The following SIPA1L2 variants were observed in gnomAD, a reference collection of about 807,000 sequenced individuals.
SIPA1L2 encodes signal induced proliferation associated 1 like 2.
Under a neutral mutation model 163.9 loss-of-function variants are expected in SIPA1L2, and 56 were observed. The observed-to-expected ratio is 0.34, with a 90% CI of 0.28 to 0.43. The LOEUF is 0.43. SIPA1L2 is among the 20% of genes least tolerant of loss of function. The probability of loss-of-function intolerance (pLI) is 1.00; values close to 1 mark genes in which losing one functional copy is unlikely to be tolerated. For synonymous variants in SIPA1L2, 877 were observed against 865.7 expected, an observed-to-expected ratio of 1.01 and a Z score of -0.23; for missense variants, 1,974 against 2,193.5, an observed-to-expected ratio of 0.90 and a Z score of 2.00.
chr1:232,618,992 T>C (rs1662654435), intron 1 of SIPA1L2, among the ~76,000 whole-genome samples: 1 of 152,368 alleles, frequency 6.6e-6, no homozygotes, highest in East Asian at 1.9e-4. Context: ...TTGAAAATAC[T>C]GTCCGTCACT....
intron 3 of SIPA1L2, among the ~76,000 whole-genome samples, chr1:232,511,910 A>G (rs540146198): frequency 7.2e-5 from 11 of 152,356 alleles, no homozygotes; most frequent in African/African-American, 2.6e-4. Flanking sequence ...TCTACACAGC[A>G]AAAGAAACTA....
intron 2 of SIPA1L2, among the ~76,000 whole-genome samples, chr1:232,555,873 T>TTAG (rs1180231999): frequency 1.3e-5 from 2 of 152,222 alleles, no homozygotes; most frequent in African/African-American, 4.8e-5. Flanking sequence ...CACAAAGGTA[T>TTAG]TAGCTCACAA....
intron 2 of SIPA1L2, among the ~76,000 whole-genome samples, chr1:232,524,787 T>C (rs1396206581): frequency 6.6e-6 from 1 of 152,184 alleles, no homozygotes; most frequent in Non-Finnish European, 1.5e-5. Context: ...TAAAAATCTA[T>C]ATACATAAAA....
intron 18 of SIPA1L2, among the ~76,000 whole-genome samples, chr1:232,423,926 A>C (rs1428338264): frequency 3.3e-5 from 5 of 152,202 alleles, no homozygotes; most frequent in Non-Finnish European, 7.3e-5. Context: ...ACATTCTAGA[A>C]AAGGCAAAAC....
chr1:232,612,419 T>C (rs905071552), intron 1 of SIPA1L2, among the ~76,000 whole-genome samples: 7 of 152,138 alleles, frequency 4.6e-5, no homozygotes, highest in African/African-American at 1.7e-4. Context: ...TGCCAGCCCA[T>C]GAAAGCAGCT....
chr1:232,411,873 G>A (rs2102767776), intron 19 of SIPA1L2, among the ~76,000 whole-genome samples: 1 of 152,176 alleles, frequency 6.6e-6, no homozygotes, highest in African/African-American at 2.4e-5. Context: ...TTTCTAAGTG[G>A]TCAGATTTTT....
chr1:232,558,359 A>G (rs1658837678), intron 2 of SIPA1L2, among the ~76,000 whole-genome samples: 3 of 152,180 alleles, frequency 2.0e-5, no homozygotes, highest in Non-Finnish European at 4.4e-5. Flanking sequence ...GTCTGAAGCC[A>G]TAATTGTTCA....
At chr1:232,456,608 T>A (rs1458667155) in intron 10 of SIPA1L2, among the ~76,000 whole-genome samples, 1 of 152,262 alleles carries the variant, frequency 6.6e-6, no homozygotes, top group East Asian at 1.9e-4. Flanking sequence ...TCTGATGAGT[T>A]GTTACTTCCT....
intron 19 of SIPA1L2, among the ~76,000 whole-genome samples, chr1:232,407,947 G>C (rs773417334): frequency 7.9e-5 from 12 of 152,110 alleles, no homozygotes; most frequent in Non-Finnish European, 1.6e-4. Flanking sequence ...CAGGTTTTCT[G>C]GTCGGGTTTG....
rs139530649 is a variant in SIPA1L2 at position 232,505,619 on chromosome 1, G to A, written c.1483+8238C>T. 1.5e-3 allele frequency among the ~76,000 whole-genome samples: 233 copies of A among 152,272 alleles called. 1 individual carries two copies. The highest frequency in any genetic ancestry group is 4.9e-3 in the African/African-American group (202 of 41,552). On this transcript the variant is annotated intron_variant, in intron 3 of 22. Transcript: ENST00000674635. Reference sequence around the variant, plus strand: ...ATGGGAACTGTGACTGTCCAGATACGGCACCTCTGCAAGAGAGAAAGCCCC... The same window carrying A: ...ATGGGAACTGTGACTGTCCAGATACAGCACCTCTGCAAGAGAGAAAGCCCC...
intron 2 of SIPA1L2, among the ~76,000 whole-genome samples, chr1:232,547,399 C>G (rs536392469): frequency 6.6e-6 from 1 of 151,728 alleles, no homozygotes; most frequent in Admixed American, 6.6e-5. Flanking sequence ...AAGGTGGTCT[C>G]GGTGTAACAA....
intron 2 of SIPA1L2, among the ~76,000 whole-genome samples, chr1:232,544,211 T>C (rs559798091): frequency 6.6e-6 from 1 of 152,208 alleles, no homozygotes; most frequent in African/African-American, 2.4e-5. Flanking sequence ...TTCTGAGACG[T>C]CTTGGGACAT....
chr1:232,622,835 G>A (rs921426914), intron 1 of SIPA1L2, among the ~76,000 whole-genome samples: 5 of 152,196 alleles, frequency 3.3e-5, no homozygotes, highest in African/African-American at 4.8e-5. Context: ...TAGAAATAAT[G>A]ATTAGAACTT....
intron 1 of SIPA1L2, among the ~76,000 whole-genome samples, chr1:232,603,445 C>T (rs1257767760): frequency 6.6e-6 from 1 of 152,042 alleles, no homozygotes; most frequent in Non-Finnish European, 1.5e-5. Flanking sequence ...AGAAGAAAAA[C>T]GACCAGGGGA....
chr1:232,529,381 T>C (rs780591477), intron 2 of SIPA1L2, among the ~76,000 whole-genome samples: 1 of 152,224 alleles, frequency 6.6e-6, no homozygotes, highest in African/African-American at 2.4e-5. Context: ...TGTAACGGTA[T>C]ACATTATATT....
At chr1:232,430,670 T>A (rs1662176528) in intron 16 of SIPA1L2, among the ~76,000 whole-genome samples, 1 of 152,214 alleles carries the variant, frequency 6.6e-6, no homozygotes, top group Non-Finnish European at 1.5e-5. Context: ...ACCTGCTCCA[T>A]CTGCCAGGAT....
At chr1:232,594,033 C>T (rs1448247890) in intron 1 of SIPA1L2, among the ~76,000 whole-genome samples, 1 of 152,126 alleles carries the variant, frequency 6.6e-6, no homozygotes, top group Non-Finnish European at 1.5e-5. Context: ...AATCTCTAAC[C>T]TGTCTCCGAC....
At chr1:232,486,380 G>C (rs1411538271) in intron 5 of SIPA1L2, among the ~76,000 whole-genome samples, 1 of 152,058 alleles carries the variant, frequency 6.6e-6, no homozygotes, top group African/African-American at 2.4e-5. Flanking sequence ...CCCAGCCATC[G>C]GACACACCAG....
At chr1:232,472,307 A>G (rs1386609463) in intron 7 of SIPA1L2, among the ~76,000 whole-genome samples, 1 of 152,022 alleles carries the variant, frequency 6.6e-6, no homozygotes, top group Non-Finnish European at 1.5e-5. Flanking sequence ...TTTCTATTAC[A>G]CTGGTTGTTG....
Sources: allele counts gnomAD v4.1 joint callset (sites outside exome capture counted in the v4.1 genomes callset), GRCh38; gene constraint gnomAD v4.1.1; transcripts MANE v1.5; gene names NCBI Gene and HGNC (gene_info 2026-07-23, HGNC 2026-07-21).